CCDC102B: variants seen among roughly 807,000 people sequenced by gnomAD.
The protein encoded by CCDC102B is coiled-coil domain-containing protein 102B.
CCDC102B carries 75 observed loss-of-function variants against 57.4 expected under a neutral mutation model. The ratio of observed to expected loss-of-function variants is 1.31; its 90% CI spans 1.08 to 1.58. CCDC102B has a LOEUF of 1.58. Among genes scored for constraint, CCDC102B ranks in the 40% most tolerant of loss-of-function variants. The pLI is 0.00. For missense variants in CCDC102B, 636 were observed against 582.6 expected (o/e 1.09, Z -0.94); for synonymous variants, 206 against 201.9 (o/e 1.02, Z -0.17).
intron 2 of CCDC102B, among the ~76,000 whole-genome samples, chr18:68,786,210 C>G (rs1262372257): frequency 2.0e-5 from 3 of 151,898 alleles, no homozygotes; most frequent in Non-Finnish European, 4.4e-5. Context: ...GTACCAGTAC[C>G]ATGCTGTTTT....
chr18:68,887,821 A>G (rs919341245), intron 5 of CCDC102B, among the ~76,000 whole-genome samples: 3 of 152,242 alleles, frequency 2.0e-5, no homozygotes, highest in Admixed American at 6.5e-5. Flanking sequence ...AACATGTTTT[A>G]TCTAGAACTT....
At chr18:69,050,451 T>A (rs967720759) in intron 7 of CCDC102B, among the ~76,000 whole-genome samples, 8 of 152,212 alleles carry the variant, frequency 5.3e-5, no homozygotes, top group African/African-American at 1.9e-4. Context: ...ACTTTCCTAG[T>A]CATGATAGTG....
At chr18:68,765,432 AGAAG>A (rs911704808) in intron 2 of CCDC102B, among the ~76,000 whole-genome samples, 4 of 151,382 alleles carry the variant, frequency 2.6e-5, no homozygotes, top group African/African-American at 4.8e-5. Context: ...GAGAAAGGAA[AGAAG>A]GAAGGAAGGA....
intron 1 of CCDC102B, among the ~76,000 whole-genome samples, chr18:68,831,898 G>A (rs1402498235): frequency 6.6e-6 from 1 of 152,062 alleles, no homozygotes; most frequent in Admixed American, 6.6e-5. Flanking sequence ...ATTTGTGCAT[G>A]TTTGACAGGC....
chr18:69,031,079 G>A (rs930559768), intron 7 of CCDC102B, among the ~76,000 whole-genome samples: 3 of 152,172 alleles, frequency 2.0e-5, no homozygotes, highest in Non-Finnish European at 2.9e-5. Context: ...ATGACCTAAA[G>A]GGCTTCATTA....
At chr18:68,976,819 A>G (rs1051663785) in intron 6 of CCDC102B, among the ~76,000 whole-genome samples, 1 of 151,750 alleles carries the variant, frequency 6.6e-6, no homozygotes, top group African/African-American at 2.4e-5. Context: ...TTTTTTTTAC[A>G]CTTATATTGG....
intron 4 of CCDC102B, among the ~76,000 whole-genome samples, chr18:68,863,176 GTT>G (rs1384521948): frequency 1.6e-4 from 1 of 6,330 alleles, no homozygotes; most frequent in Non-Finnish European, 2.9e-4. Flanking sequence ...TTTAAGGTGT[GTT>G]TATATATATA....
chr18:68,728,040 G>A (rs868203595), intron 2 of CCDC102B, among the ~76,000 whole-genome samples: 1 of 152,232 alleles, frequency 6.6e-6, no homozygotes, highest in Middle Eastern at 3.4e-3. Context: ...GTTTCTCAAG[G>A]TGATTGGAAT....
intron 7 of CCDC102B, among the ~76,000 whole-genome samples, chr18:69,020,063 C>T (rs946808709): frequency 6.6e-6 from 1 of 151,910 alleles, no homozygotes; most frequent in South Asian, 2.1e-4. Flanking sequence ...TGTACTTACC[C>T]TTGATTTGCT....
intron 2 of CCDC102B, among the ~76,000 whole-genome samples, chr18:68,735,942 A>G (rs919702370): frequency 1.3e-5 from 2 of 152,182 alleles, no homozygotes; most frequent in African/African-American, 4.8e-5. Context: ...ATGTGGTAGT[A>G]TAAGGTTATG....
chr18:69,018,467 T>A (rs1461883081), intron 7 of CCDC102B, among the ~76,000 whole-genome samples: 1 of 152,170 alleles, frequency 6.6e-6, no homozygotes, highest in Non-Finnish European at 1.5e-5. Context: ...ATAATAGCCA[T>A]CTTGAAAAGT....
At chr18:69,045,949 A>G (rs73453798) in intron 7 of CCDC102B, among the ~76,000 whole-genome samples, 3,098 of 152,166 alleles carry the variant, frequency 0.02, 102 homozygotes, top group African/African-American at 0.07. Flanking sequence ...ATTCTTTTTT[A>G]TAGCTGCATA....
intron 1 of CCDC102B, among the ~76,000 whole-genome samples, chr18:68,814,927 A>G (rs1479991842): frequency 6.6e-6 from 1 of 151,996 alleles, no homozygotes; most frequent in Non-Finnish European, 1.5e-5. Flanking sequence ...TCTGATACAC[A>G]CCTATATCAC....
intron 6 of CCDC102B, among the ~76,000 whole-genome samples, chr18:69,003,113 A>T (rs979115174): frequency 6.6e-6 from 1 of 152,194 alleles, no homozygotes; most frequent in African/African-American, 2.4e-5. Flanking sequence ...TTTTTTTCCC[A>T]CAAAGATAGT....
At chr18:68,993,711 T>C (rs2050939817) in intron 6 of CCDC102B, among the ~76,000 whole-genome samples, 1 of 152,218 alleles carries the variant, frequency 6.6e-6, no homozygotes, top group African/African-American at 2.4e-5. Context: ...GGTTTATTTA[T>C]CAATTCTCCC....
chr18:68,880,601 A>G (rs2039659962), intron 5 of CCDC102B, among the ~76,000 whole-genome samples: 1 of 152,248 alleles, frequency 6.6e-6, no homozygotes, highest in South Asian at 2.1e-4. Flanking sequence ...TTTTCATACA[A>G]CAACTCTACT....
At chr18:69,022,616 C>A (rs2051875881) in intron 7 of CCDC102B, among the ~76,000 whole-genome samples, 2 of 151,864 alleles carry the variant, frequency 1.3e-5, no homozygotes, top group Non-Finnish European at 2.9e-5. Flanking sequence ...CAAGTTATTT[C>A]TTGGCACATT....
At chr18:69,021,930 A>G (rs2051845283) in intron 7 of CCDC102B, among the ~76,000 whole-genome samples, 1 of 152,062 alleles carries the variant, frequency 6.6e-6, no homozygotes, top group Admixed American at 6.6e-5. Flanking sequence ...GCCATTCTTT[A>G]TCTTGCTCTT....
rs370835217 is a variant in CCDC102B, at chr18:68,874,824, A to T, written c.1053+39A>T. 3 of 1,241,264 alleles carry T rather than the reference A, an allele frequency of 2.4e-6. No individual in the cohort carries two copies. In the Admixed American group the frequency reaches 5.4e-5, roughly 22 times the overall value. 76.9% of individuals were successfully genotyped at this position (1,241,264 alleles called of 1,614,324 possible). A position where few individuals can be genotyped will look rare whatever the true frequency, so the allele number is the denominator to read the frequency against. On this transcript the variant is annotated intron_variant, in intron 5 of 7. Transcript: ENST00000360242. ...TAAAGAGTACCATATATATTAAAAC[A>T]TAACTGACTGTTGTTAAATGCCATA...
Sources: gnomAD v4.1 joint callset for allele counts (sites outside exome capture counted in the v4.1 genomes callset) on GRCh38, gnomAD v4.1.1 for gene constraint, MANE v1.5 for transcripts, NCBI Gene and HGNC (gene_info 2026-07-23, HGNC 2026-07-21) for gene names.